Variants in RASAL2 observed in about 807,000 individuals in gnomAD.
RASAL2 encodes the protein ras GTPase-activating protein nGAP.
RASAL2 carries 58 observed loss-of-function variants against 128.9 expected under a neutral mutation model. That is an observed-to-expected ratio of 0.45 (90% CI 0.36 to 0.56). The LOEUF (loss-of-function observed/expected upper bound fraction) is 0.56. Among genes scored for constraint, RASAL2 ranks in the 20% least tolerant of loss-of-function variants. The pLI is 0.00. For synonymous variants in RASAL2, 561 were observed against 580.8 expected, an observed-to-expected ratio of 0.97 and a Z score of 0.49; for missense variants, 1,360 against 1,601.6, an observed-to-expected ratio of 0.85 and a Z score of 2.57.
intron 1 of RASAL2, among the ~76,000 whole-genome samples, chr1:178,102,893 G>A (rs866676106): frequency 5.9e-5 from 9 of 152,080 alleles, no homozygotes; most frequent in Admixed American, 6.6e-5. Flanking sequence ...GTGCATAGAA[G>A]CAAATGTAGA....
chr1:178,197,196 G>A (rs1023660370), intron 1 of RASAL2, among the ~76,000 whole-genome samples: 2 of 151,956 alleles, frequency 1.3e-5, no homozygotes, highest in African/African-American at 2.4e-5. Context: ...GGTGGCTCAC[G>A]CCTGTAATCC....
intron 1 of RASAL2, among the ~76,000 whole-genome samples, chr1:178,173,828 T>C (rs893687644): frequency 6.6e-6 from 1 of 151,960 alleles, no homozygotes; most frequent in Non-Finnish European, 1.5e-5. Flanking sequence ...TGGGTCTTTA[T>C]CCTTTCACAT....
chr1:178,414,841 G>A (rs1225341943), intron 4 of RASAL2, among the ~76,000 whole-genome samples: 2 of 152,094 alleles, frequency 1.3e-5, no homozygotes, highest in Admixed American at 6.5e-5. Context: ...GGCAGATCGT[G>A]TCTTTCAAGG....
Position 178,441,625 on chromosome 1 carries a change from G to T in RASAL2, c.905G>T (p.Arg302Leu), listed in dbSNP as rs756661870. Residue 302 changes from arginine (R) to leucine (L), a missense_variant, in exon 7 of 18, where the codon CGC becomes CTC. Transcript: ENST00000367649. ...SERDKWMENL[R>L]RTVQPNKDNC... ...AGAGACAAGTGGATGGAAAACCTTC[G>T]CAGGACAGTTCAACCTAATAAGGTA... 7 of 1,611,918 alleles carry T rather than the reference G, an allele frequency of 4.3e-6. No homozygotes were observed. Among genetic ancestry groups the T allele is most frequent in the Non-Finnish European group, 5.1e-6 (6 of 1,178,732 alleles).
In RASAL2 at chr1:178,094,322, C is replaced by T. The variant is rs1180582456; in HGVS notation, c.-171C>T. 1.5e-5 allele frequency: 9 copies of T among 618,044 alleles called. No individual in the cohort carries two copies. Among genetic ancestry groups the T allele is most frequent in the Non-Finnish European group, 2.4e-5 (9 of 376,574 alleles). 38.3% of individuals were successfully genotyped at this position (618,044 alleles called of 1,614,324 possible). On this transcript the variant is annotated 5_prime_UTR_variant, in exon 1 of 18. Transcript: ENST00000367649. ...TGCAGGTGGGCTGCATCGCCCGAGC[C>T]TCGGGCAGTGGGCGACGGGGAAGGA... is the stretch of plus-strand genomic sequence containing the variant.
intron 1 of RASAL2, among the ~76,000 whole-genome samples, chr1:178,128,500 A>G (rs533566041): frequency 1.6e-4 from 25 of 152,196 alleles, no homozygotes; most frequent in Admixed American, 2.6e-4. Context: ...ATTTGAAACA[A>G]TAATACTCTG....
intron 1 of RASAL2, among the ~76,000 whole-genome samples, chr1:178,164,915 C>T (rs1363652898): frequency 6.8e-6 from 1 of 147,258 alleles, no homozygotes; most frequent in Non-Finnish European, 1.5e-5. Flanking sequence ...CTGGATTCAA[C>T]CAAGTATGTA....
Position 178,262,156 on chromosome 1 carries a change from T to A in RASAL2, c.203-21408T>A, listed in dbSNP as rs577731833. Reference sequence around the variant, plus strand: ...TTGGAGGAATTATTAGCAAAATCAGTATCCTTTCTCTGCTGAAAACAGTGA... The same window carrying A: ...TTGGAGGAATTATTAGCAAAATCAGAATCCTTTCTCTGCTGAAAACAGTGA... On this transcript the variant is annotated intron_variant, in intron 1 of 17. Coordinates refer to ENST00000367649, the MANE Select transcript of RASAL2 (RefSeq NM_170692.4). 2.6e-5 allele frequency among the ~76,000 whole-genome samples: 4 copies of A among 151,790 alleles called. No individual in the cohort carries two copies. In the South Asian group the frequency reaches 8.3e-4, roughly 32 times the overall value.
At chr1:178,415,990 T>C (rs1263378500) in intron 4 of RASAL2, among the ~76,000 whole-genome samples, 2 of 137,848 alleles carry the variant, frequency 1.5e-5, no homozygotes, top group Non-Finnish European at 3.2e-5. Context: ...TATAGTTGGG[T>C]TTTGTTTTCT....
At chr1:178,469,276 G>A (rs918282211) in intron 17 of RASAL2, among the ~76,000 whole-genome samples, 13 of 152,074 alleles carry the variant, frequency 8.5e-5, no homozygotes, top group East Asian at 5.8e-4. Context: ...TAGCCTGAGC[G>A]ACAAAGTGAG....
intron 1 of RASAL2, among the ~76,000 whole-genome samples, chr1:178,211,378 A>G (rs879462575): frequency 1.3e-5 from 2 of 152,156 alleles, no homozygotes; most frequent in Non-Finnish European, 2.9e-5. Flanking sequence ...GTTGCCAGAA[A>G]GAGCTTTCTT....
chr1:178,327,404 G>A (rs1557904525), intron 3 of RASAL2, among the ~76,000 whole-genome samples: 1 of 152,068 alleles, frequency 6.6e-6, no homozygotes, highest in Non-Finnish European at 1.5e-5. Context: ...GGAGTGCAGT[G>A]GCATGATCTT....
chr1:178,247,126 G>C (rs548109595), intron 1 of RASAL2, among the ~76,000 whole-genome samples: 4 of 152,288 alleles, frequency 2.6e-5, no homozygotes, highest in Admixed American at 1.3e-4. Flanking sequence ...GTTTGGAACA[G>C]TTTCAGAAAG....
chr1:178,180,485 C>CAAAAAAAAAAA (rs71108033), intron 1 of RASAL2, among the ~76,000 whole-genome samples: 3 of 72,560 alleles, frequency 4.1e-5, no homozygotes, highest in African/African-American at 1.6e-4. Flanking sequence ...TCATCTCTAC[C>CAAAAAAAAAAA]AAAAAAAAAA....
intron 1 of RASAL2, among the ~76,000 whole-genome samples, chr1:178,235,803 C>T (rs548921696): frequency 6.6e-6 from 1 of 151,996 alleles, no homozygotes. Flanking sequence ...CAGTTGTGAG[C>T]CTTTCTTCAT....
intron 3 of RASAL2, among the ~76,000 whole-genome samples, chr1:178,319,581 C>G (rs886382099): frequency 1.0e-4 from 15 of 146,908 alleles, no homozygotes; most frequent in African/African-American, 4.0e-4. Flanking sequence ...TCCAGTTGAT[C>G]GTATCGGCTC....
chr1:178,326,102 G>A lies in RASAL2; in HGVS notation c.457+25984G>A, dbSNP rs138221919. Among the ~76,000 whole-genome samples, 1,261 of 152,170 alleles carry A rather than the reference G, an allele frequency of 8.3e-3. 12 individuals carry two copies. Among genetic ancestry groups the A allele is most frequent in the Non-Finnish European group, 0.013 (859 of 68,026 alleles). The stretch of plus-strand genomic sequence containing the variant: ...TGCACTCCAGCCTGGGTGACAGAGC[G>A]AGCAAGACCCTGCCTCTAAAAATAA... On this transcript the variant is annotated intron_variant, in intron 3 of 17. Transcript: ENST00000367649.
At chr1:178,180,358 A>G (rs980260364) in intron 1 of RASAL2, among the ~76,000 whole-genome samples, 1 of 151,742 alleles carries the variant, frequency 6.6e-6, no homozygotes, top group African/African-American at 2.4e-5. Context: ...ATATGATACT[A>G]AGAGGCTGGG....
intron 1 of RASAL2, among the ~76,000 whole-genome samples, chr1:178,098,197 G>A (rs768328342): frequency 1.3e-5 from 2 of 152,150 alleles, no homozygotes; most frequent in Admixed American, 1.3e-4. Context: ...CAACTTGTCT[G>A]CCAGATTGGT....
Sources: allele counts gnomAD v4.1 joint callset (sites outside exome capture counted in the v4.1 genomes callset), GRCh38; gene constraint gnomAD v4.1.1; transcripts MANE v1.5; gene names NCBI Gene and HGNC (gene_info 2026-07-23, HGNC 2026-07-21).